SLC5A4: variants seen among roughly 807,000 people sequenced by gnomAD.
The protein encoded by SLC5A4 is probable glucose sensor protein SLC5A4.
Under a neutral mutation model 70.3 loss-of-function variants are expected in SLC5A4, and 55 were observed. The observed-to-expected ratio is 0.78, with a 90% CI of 0.63 to 0.98. The LOEUF is 0.98. SLC5A4 is among the 50% of genes least tolerant of loss of function. SLC5A4 has a pLI of 0.00. For missense variants in SLC5A4, 735 were observed against 839.2 expected, an observed-to-expected ratio of 0.88 and a Z score of 1.53; for synonymous variants, 268 against 305.7, an observed-to-expected ratio of 0.88 and a Z score of 1.29.
At chr22:32,334,084 A>C in the SLC5A4 span, among the ~76,000 whole-genome samples, 1 of 149,028 alleles carries the variant, frequency 6.7e-6, no homozygotes, top group Non-Finnish European at 1.5e-5. Context: ...TATGCCAGAC[A>C]ACACACACAC....
At chr22:32,237,188 G>A in intron 7 of SLC5A4, 56 bp downstream of exon 7, 1 of 1,272,566 alleles carries the variant, frequency 7.9e-7, no homozygotes, top group Non-Finnish European at 1.1e-6. Flanking sequence ...AGACCGAACA[G>A]AAACAAGTCC....
At chr22:32,241,715 C>G (rs977992245) in intron 5 of SLC5A4, among the ~76,000 whole-genome samples, 1 of 151,510 alleles carries the variant, frequency 6.6e-6, no homozygotes, top group Non-Finnish European at 1.5e-5. Context: ...TGTCCTGAAG[C>G]ATTTCTGAAA....
the SLC5A4 span, among the ~76,000 whole-genome samples, chr22:32,322,055 G>A: frequency 0.48 from 73,196 of 151,880 alleles, 17,873 homozygotes; most frequent in East Asian, 0.65. Flanking sequence ...GTGGGAGAAT[G>A]GGCAGGTACA....
chr22:32,282,820 T>G, the SLC5A4 span, among the ~76,000 whole-genome samples: 2 of 152,214 alleles, frequency 1.3e-5, no homozygotes, highest in Non-Finnish European at 2.9e-5. Flanking sequence ...TCCTGCACCC[T>G]ACATCCAATC....
chr22:32,311,683 C>T, the SLC5A4 span, among the ~76,000 whole-genome samples: 2 of 152,142 alleles, frequency 1.3e-5, no homozygotes, highest in Non-Finnish European at 2.9e-5. Context: ...TCCCCAGGGG[C>T]AGAGATGAGG....
At chr22:32,267,918 A>C in the SLC5A4 span, among the ~76,000 whole-genome samples, 1 of 152,088 alleles carries the variant, frequency 6.6e-6, no homozygotes, top group African/African-American at 2.4e-5. Flanking sequence ...AGGTCAGGAG[A>C]TTGAGACCAT....
the SLC5A4 span, among the ~76,000 whole-genome samples, chr22:32,340,379 C>T: frequency 6.6e-6 from 1 of 152,202 alleles, no homozygotes; most frequent in African/African-American, 2.4e-5. Context: ...TACTGAGCAC[C>T]TACTATGTGT....
the SLC5A4 span, among the ~76,000 whole-genome samples, chr22:32,317,018 A>T: frequency 6.6e-6 from 1 of 151,982 alleles, no homozygotes; most frequent in Non-Finnish European, 1.5e-5. Context: ...CATACACAAA[A>T]GTGACTATCA....
At chr22:32,223,273 A>G (rs1925193943) in intron 13 of SLC5A4, among the ~76,000 whole-genome samples, 2 of 152,252 alleles carry the variant, frequency 1.3e-5, no homozygotes, top group South Asian at 4.1e-4. Flanking sequence ...TATTTTTCCT[A>G]CTTGAACAAG....
the SLC5A4 span, among the ~76,000 whole-genome samples, chr22:32,329,534 GCT>G: frequency 2.1e-5 from 3 of 146,284 alleles, no homozygotes; most frequent in Non-Finnish European, 4.5e-5. Flanking sequence ...TCTTGGGGGG[GCT>G]CTGTGTCTGT....
the SLC5A4 span, among the ~76,000 whole-genome samples, chr22:32,312,516 G>T: frequency 6.6e-6 from 1 of 152,132 alleles, no homozygotes; most frequent in East Asian, 1.9e-4. Flanking sequence ...GAATCAGCCA[G>T]AGTTGCTTTG....
At chr22:32,237,402 C>T (rs1569373106) in intron 6 of SLC5A4, 78 bp from the exon 7 acceptor site, 2 of 916,716 alleles carry the variant, frequency 2.2e-6, no homozygotes, top group Non-Finnish European at 3.3e-6. Flanking sequence ...GGGTTCTCCT[C>T]CACCCACAAC....
At chr22:32,323,914 T>C in the SLC5A4 span, among the ~76,000 whole-genome samples, 3 of 152,094 alleles carry the variant, frequency 2.0e-5, no homozygotes, top group Admixed American at 6.5e-5. Flanking sequence ...GTTAAAGAGG[T>C]TGTCCATTCT....
the SLC5A4 span, chr22:32,270,161 C>T: frequency 0.011 from 6,866 of 637,186 alleles, 356 homozygotes; most frequent in African/African-American, 0.11. Flanking sequence ...ACGGCAGCGA[C>T]GCCCAGTCGG....
At chr22:32,286,044 C>A in the SLC5A4 span, among the ~76,000 whole-genome samples, 2 of 152,144 alleles carry the variant, frequency 1.3e-5, no homozygotes, top group Non-Finnish European at 2.9e-5. Flanking sequence ...GCCTTATTTT[C>A]ATATATGGCT....
At chr22:32,291,095 G>T in the SLC5A4 span, among the ~76,000 whole-genome samples, 1 of 151,826 alleles carries the variant, frequency 6.6e-6, no homozygotes. Context: ...TTTTTTTAAA[G>T]AGCTAGCATT....
At chr22:32,316,643 C>G in the SLC5A4 span, among the ~76,000 whole-genome samples, 1 of 152,088 alleles carries the variant, frequency 6.6e-6, no homozygotes, top group African/African-American at 2.4e-5. Flanking sequence ...CATTCTCCTG[C>G]CTCAGCCTCC....
chr22:32,258,255 T>G (rs999474516), upstream of SLC5A4, among the ~76,000 whole-genome samples: 11 of 152,216 alleles, frequency 7.2e-5, no homozygotes, highest in African/African-American at 2.4e-4. Flanking sequence ...ATCTTACTTC[T>G]TTTCCAATTA....
At chr22:32,307,537 G>T in the SLC5A4 span, among the ~76,000 whole-genome samples, 1 of 152,208 alleles carries the variant, frequency 6.6e-6, no homozygotes, top group Non-Finnish European at 1.5e-5. Flanking sequence ...CTGTTGAATA[G>T]GTGAGGGAAG....
Sources: allele counts gnomAD v4.1 joint callset (sites outside exome capture counted in the v4.1 genomes callset), GRCh38; gene constraint gnomAD v4.1.1; transcripts MANE v1.5; gene names NCBI Gene and HGNC (gene_info 2026-07-23, HGNC 2026-07-21).